RBPJ: variants seen among roughly 807,000 people sequenced by gnomAD.
RBPJ encodes the protein recombination signal binding protein for immunoglobulin kappa J region.
Under a neutral mutation model 67.8 loss-of-function variants are expected in RBPJ, and 9 were observed. The ratio of observed to expected loss-of-function variants is 0.13; its 90% CI spans 0.08 to 0.23. The LOEUF is 0.23. Ranked by LOEUF, RBPJ falls within the 10% of genes least tolerant of loss-of-function variation. The pLI, the probability that RBPJ is intolerant of heterozygous loss-of-function variation, is 1.00. For missense variants in RBPJ, 305 were observed against 595.6 expected (o/e 0.51, Z 5.08); for synonymous variants, 198 against 203.3 (o/e 0.97, Z 0.22).
chr4:26,413,138 C>G (rs1734207278), intron 3 of RBPJ, among the ~76,000 whole-genome samples: 1 of 152,208 alleles, frequency 6.6e-6, no homozygotes. Context: ...GTTAATCCCC[C>G]TCTTGCTCTG....
chr4:26,309,910 C>T (rs1445483010), intron 1 of RBPJ, among the ~76,000 whole-genome samples: 1 of 152,200 alleles, frequency 6.6e-6, no homozygotes, highest in Non-Finnish European at 1.5e-5. Context: ...ACAAAAACTT[C>T]TGACAAATTA....
chr4:26,180,482 G>A (rs1001663692), intron 1 of RBPJ, among the ~76,000 whole-genome samples: 7 of 152,102 alleles, frequency 4.6e-5, no homozygotes, highest in African/African-American at 1.4e-4. Flanking sequence ...TCAAGATGTC[G>A]GCAGATTCAG....
chr4:26,198,099 A>T (rs1717843007), intron 1 of RBPJ, among the ~76,000 whole-genome samples: 1 of 152,096 alleles, frequency 6.6e-6, no homozygotes, highest in African/African-American at 2.4e-5. Context: ...TACTAAAAAT[A>T]CAAAATTAGC....
At chr4:26,213,117 T>A (rs957296632) in intron 1 of RBPJ, among the ~76,000 whole-genome samples, 1 of 152,206 alleles carries the variant, frequency 6.6e-6, no homozygotes, top group South Asian at 2.1e-4. Context: ...TGTGAACTAC[T>A]CTCACAAATT....
chr4:26,215,254 AGAAAGG>A (rs1718658481), intron 1 of RBPJ, among the ~76,000 whole-genome samples: 1 of 67,406 alleles, frequency 1.5e-5, no homozygotes, highest in East Asian at 9.1e-4. Context: ...AAAGTAAGAA[AGAAAGG>A]AAGGGAGGGA....
At chr4:26,364,515 T>C (rs562047944) in intron 1 of RBPJ, among the ~76,000 whole-genome samples, 6 of 152,106 alleles carry the variant, frequency 3.9e-5, no homozygotes, top group Non-Finnish European at 7.4e-5. Context: ...GGGGTAGCAC[T>C]TGAGAATCCA....
At chr4:26,109,444 CTCTCTCTCTCTCTCTCTATATATA>C in the RBPJ span, among the ~76,000 whole-genome samples, 91 of 28,378 alleles carry the variant, frequency 3.2e-3, 3 homozygotes, top group Admixed American at 9.8e-3. Flanking sequence ...CTCTCTCTCT[CTCTCTCTCTCTCTCTCTATATATA>C]TATATATATA....
At position 26,298,265 on chromosome 4, in the gene RBPJ, C is replaced by A. The variant is rs182327530; in HGVS notation, c.-166-64181C>A. ...TAAGTAGGACCTCTTTGAACAAATG[C>A]AAAATTAAGTTTAACTCACAATTGA... On this transcript the variant is annotated intron_variant, in intron 1 of 4. Transcript: ENST00000512351. 1.0e-3 allele frequency among the ~76,000 whole-genome samples: 157 copies of A among 152,222 alleles called. 2 individuals carry two copies. The highest frequency in any genetic ancestry group is 7.4e-5 in the Non-Finnish European group (5 of 68,012).
chr4:26,131,149 C>A, the RBPJ span, among the ~76,000 whole-genome samples: 1 of 152,170 alleles, frequency 6.6e-6, no homozygotes, highest in African/African-American at 2.4e-5. Context: ...AGGCTCCCTG[C>A]GTTCTTTTCT....
the RBPJ span, among the ~76,000 whole-genome samples, chr4:26,105,688 C>CA: frequency 1.3e-5 from 2 of 151,770 alleles, no homozygotes; most frequent in Admixed American, 1.3e-4. Context: ...AAGATTGAAA[C>CA]AAAAAAACAA....
intron 1 of RBPJ, among the ~76,000 whole-genome samples, chr4:26,371,795 AGGT>A (rs1358714616): frequency 1.3e-5 from 2 of 152,218 alleles, no homozygotes; most frequent in Admixed American, 6.5e-5. Flanking sequence ...AAATAATGAT[AGGT>A]GGTTTGTTTA....
At chr4:26,143,288 C>A in the RBPJ span, among the ~76,000 whole-genome samples, 30 of 152,328 alleles carry the variant, frequency 2.0e-4, no homozygotes, top group African/African-American at 7.2e-4. Flanking sequence ...ACACCTCATC[C>A]CTCTTTCAAT....
chr4:26,189,867 T>A (rs182706734), intron 1 of RBPJ, among the ~76,000 whole-genome samples: 272 of 152,318 alleles, frequency 1.8e-3, no homozygotes, highest in African/African-American at 6.3e-3. Context: ...TCAGCTGTTG[T>A]CAGGTGCTTT....
chr4:26,417,118 A>C (rs113924623), intron 4 of RBPJ, among the ~76,000 whole-genome samples: 92 of 152,308 alleles, frequency 6.0e-4, no homozygotes, highest in African/African-American at 2.1e-3. Context: ...TCCAGGCTTC[A>C]CATGTAGACA....
At chr4:26,170,491 G>A (rs544657635) in intron 1 of RBPJ, among the ~76,000 whole-genome samples, 1 of 151,262 alleles carries the variant, frequency 6.6e-6, no homozygotes, top group African/African-American at 2.4e-5. Context: ...GCTGCAGTGA[G>A]CCTTGCAGTG....
chr4:26,328,784 A>T (rs1577447162), intron 1 of RBPJ, among the ~76,000 whole-genome samples: 1 of 152,198 alleles, frequency 6.6e-6, no homozygotes, highest in East Asian at 1.9e-4. Flanking sequence ...GTGTGCCACC[A>T]AACCCAGGTG....
chr4:26,200,576 T>C (rs181322788), intron 1 of RBPJ, among the ~76,000 whole-genome samples: 2 of 151,548 alleles, frequency 1.3e-5, no homozygotes, highest in Admixed American at 1.3e-4. Flanking sequence ...GAGGCTGAGG[T>C]GGGAGGATCA....
intron 4 of RBPJ, among the ~76,000 whole-genome samples, chr4:26,416,030 C>T (rs1012351963): frequency 6.6e-6 from 1 of 152,080 alleles, no homozygotes; most frequent in Non-Finnish European, 1.5e-5. Flanking sequence ...ATACTAGACA[C>T]GATGATATAT....
intron 1 of RBPJ, among the ~76,000 whole-genome samples, chr4:26,258,710 G>T (rs1251060321): frequency 1.3e-5 from 2 of 152,148 alleles, no homozygotes; most frequent in African/African-American, 4.8e-5. Context: ...AGAACTGAGG[G>T]TTTCGGGAAT....
Sources: gnomAD v4.1 joint callset for allele counts (sites outside exome capture counted in the v4.1 genomes callset) on GRCh38, gnomAD v4.1.1 for gene constraint, MANE v1.5 for transcripts, NCBI Gene and HGNC (gene_info 2026-07-23, HGNC 2026-07-21) for gene names.